The following CPSF7 variants were observed in gnomAD, a reference collection of about 807,000 sequenced individuals.
The protein encoded by CPSF7 is cleavage and polyadenylation specificity factor subunit 7.
Under a neutral mutation model 44.3 loss-of-function variants are expected in CPSF7, and 1 was observed. The observed-to-expected ratio is 0.02, with a 90% CI of 0.01 to 0.11. The LOEUF is 0.11. Among genes scored for constraint, CPSF7 ranks in the 10% least tolerant of loss-of-function variants. CPSF7 has a pLI of 1.00. For synonymous variants in CPSF7, 202 were observed against 222.0 expected (o/e 0.91, Z 0.80); for missense variants, 443 against 607.2 (o/e 0.73, Z 2.84).
rs1456616304 is a variant in CPSF7, at chr11:61,411,861, C to A, written c.1134G>T (p.Glu378Asp). ...GAGAGGAGATGAGGACACGGCAACG[C>A]TCATCATTGGCAACCCGGGACTGTT... is the stretch of plus-strand genomic sequence containing the variant. Reference protein sequence around the residue: ...VIKQSRVANDERCRVLISSLK... With the variant: ...VIKQSRVANDDRCRVLISSLK... Residue 378 changes from glutamate (E) to aspartate (D), a missense_variant, in exon 8 of 10, where the codon GAG (glutamate) becomes GAT (aspartate). Transcript: ENST00000439958. The A allele has an allele frequency of 2.5e-6, 4 of 1,614,040 alleles. No homozygotes were observed. The African/African-American group carries it at 5.3e-5, about 22-fold the overall frequency.
At chr11:61,410,872 T>G in intron 9 of CPSF7, 66 bp downstream of exon 9, 1 of 1,451,574 alleles carries the variant, frequency 6.9e-7, no homozygotes, top group Non-Finnish European at 9.2e-7. Context: ...AGAGAGAGAA[T>G]TCTTCACTAT....
intron 2 of CPSF7, chr11:61,427,008 CAAAG>C (rs953297473): frequency 3.2e-5 from 3 of 94,304 alleles, no homozygotes; most frequent in South Asian, 3.9e-4. Flanking sequence ...AGCCTGGCGA[CAAAG>C]AGAGACTCTG....
At chr11:61,429,017 G>C in intron 2 of CPSF7, 165 bp downstream of exon 2, 1 of 490,184 alleles carries the variant, frequency 2.0e-6, no homozygotes, top group African/African-American at 1.9e-5. Flanking sequence ...TTAACATAAA[G>C]AGGAATGGAG....
At chr11:61,416,000 A>G (rs1326812324) in intron 6 of CPSF7, 105 bp downstream of exon 6, 2 of 1,104,310 alleles carry the variant, frequency 1.8e-6, no homozygotes, top group East Asian at 2.4e-5. Context: ...CAGAATGTCT[A>G]TAAGGGAAAG....
chr11:61,420,895 C>A, intron 3 of CPSF7: 1 of 492,708 alleles, frequency 2.0e-6, no homozygotes, highest in Non-Finnish European at 3.8e-6. Context: ...CTAGAGTTGA[C>A]CATTGCCAGA....
intron 9 of CPSF7, among the ~76,000 whole-genome samples, chr11:61,408,208 C>T (rs990230264): frequency 6.6e-6 from 1 of 152,028 alleles, no homozygotes; most frequent in African/African-American, 2.4e-5. Flanking sequence ...AGGCACCTGC[C>T]ACCATGCCCG....
At position 61,429,954 on chromosome 11, in the gene CPSF7, C is replaced by G. The variant is rs1224939536; in HGVS notation, c.-96G>C. On this transcript the variant is annotated 5_prime_UTR_variant, in exon 1 of 10. Transcript: ENST00000439958. ...GGCGGCGGCGAGTCCGGACTAGGCCCGAAGCGCGCGAACCGCTCTCCGCCC... is the reference window on the plus strand; with the variant it reads ...GGCGGCGGCGAGTCCGGACTAGGCCGGAAGCGCGCGAACCGCTCTCCGCCC... The G allele has an allele frequency of 2.2e-6, 3 of 1,350,836 alleles. No homozygotes were observed. Among genetic ancestry groups the G allele is most frequent in the South Asian group, 1.4e-5 (1 of 71,658 alleles). 83.7% of individuals were successfully genotyped at this position (1,350,836 alleles called of 1,614,324 possible).
At chr11:61,419,668 C>A (rs1209040407) in intron 5 of CPSF7, among the ~76,000 whole-genome samples, 1 of 152,106 alleles carries the variant, frequency 6.6e-6, no homozygotes, top group Admixed American at 6.5e-5. Flanking sequence ...GGGAAACAGG[C>A]CCTAAGTAGT....
intron 2 of CPSF7, among the ~76,000 whole-genome samples, chr11:61,422,985 T>C (rs1861024070): frequency 1.3e-5 from 2 of 150,860 alleles, no homozygotes; most frequent in African/African-American, 4.9e-5. Context: ...ATACAAAAAT[T>C]AGTTGGGCAT....
At chr11:61,418,637 G>T (rs1860561427) in intron 5 of CPSF7, among the ~76,000 whole-genome samples, 1 of 152,138 alleles carries the variant, frequency 6.6e-6, no homozygotes, top group Non-Finnish European at 1.5e-5. Context: ...AAGTGGCTTA[G>T]TGAGTACAGT....
chr11:61,406,902 C>T (rs924769428), intron 9 of CPSF7, among the ~76,000 whole-genome samples: 2 of 152,096 alleles, frequency 1.3e-5, no homozygotes, highest in Non-Finnish European at 2.9e-5. Context: ...TCAGCACCCC[C>T]AAGTAGCTGG....
At chr11:61,418,564 G>A (rs544654167) in intron 5 of CPSF7, among the ~76,000 whole-genome samples, 3 of 152,036 alleles carry the variant, frequency 2.0e-5, no homozygotes, top group South Asian at 2.1e-4. Flanking sequence ...TACTTGTGTC[G>A]GCTGGTCAGC....
At chr11:61,418,574 C>T (rs1218323201) in intron 5 of CPSF7, among the ~76,000 whole-genome samples, 1 of 152,104 alleles carries the variant, frequency 6.6e-6, no homozygotes, top group East Asian at 1.9e-4. Context: ...GGCTGGTCAG[C>T]GAATTCTCTT....
chr11:61,418,671 C>T (rs1860569124), intron 5 of CPSF7, among the ~76,000 whole-genome samples: 1 of 151,798 alleles, frequency 6.6e-6, no homozygotes, highest in Non-Finnish European at 1.5e-5. Context: ...GTAAGATGGA[C>T]ATTGGGGAAA....
rs1033493460 is a variant in CPSF7 at position 61,404,080 on chromosome 11, A to T, written c.*630T>A. On this transcript the variant is annotated 3_prime_UTR_variant, in exon 10 of 10. Coordinates refer to ENST00000439958, the MANE Select transcript of CPSF7 (RefSeq NM_001142565.3). The stretch of plus-strand genomic sequence containing the variant: ...AGTTGAAAGAGTTCAGCCCTCTGGG[A>T]GGTCAAAGAAATAAACCGTCAATAC... 18 of 152,786 alleles carry T rather than the reference A, an allele frequency of 1.2e-4. No homozygotes were observed. Among genetic ancestry groups the T allele is most frequent in the African/African-American group, 4.3e-4 (18 of 41,580 alleles). The allele number at this position is 152,786 out of a possible 1,614,324, so 9.5% of individuals were successfully genotyped here. A position where few individuals can be genotyped will look rare whatever the true frequency, so the allele number is the denominator to read the frequency against.
chr11:61,421,759 C>A, intron 2 of CPSF7, 151 bp from the exon 3 acceptor site: 1 of 610,598 alleles, frequency 1.6e-6, no homozygotes, highest in Admixed American at 3.0e-5. Context: ...AGAAAAACCT[C>A]CTTTTGAAAC....
intron 2 of CPSF7, among the ~76,000 whole-genome samples, chr11:61,423,279 T>C (rs563702048): frequency 1.3e-5 from 2 of 150,694 alleles, no homozygotes; most frequent in Non-Finnish European, 3.0e-5. Context: ...TTCAAGTGAT[T>C]CTCCTGCCTC....
intron 2 of CPSF7, among the ~76,000 whole-genome samples, chr11:61,423,734 C>A (rs1861109292): frequency 6.6e-6 from 1 of 152,210 alleles, no homozygotes; most frequent in Non-Finnish European, 1.5e-5. Context: ...CCTTAACTTT[C>A]TCCCTCCAAT....
rs568662820 is a variant in CPSF7 at position 61,416,570 on chromosome 11, A to C, written c.524-51T>G. On this transcript the variant is annotated intron_variant, in intron 5 of 9. Transcript: ENST00000439958. ...TACTGCCCAGGCTTTACACAAACCCACAGGACCAGTTCATCCTTCAGAAGT... is the reference window on the plus strand; with the variant it reads ...TACTGCCCAGGCTTTACACAAACCCCCAGGACCAGTTCATCCTTCAGAAGT... 1.5e-5 allele frequency: 23 copies of C among 1,569,718 alleles called. No homozygotes were observed. In the African/African-American group the frequency reaches 3.0e-4, roughly 20 times the overall value.
Sources: gnomAD v4.1 joint callset for allele counts (sites outside exome capture counted in the v4.1 genomes callset) on GRCh38, gnomAD v4.1.1 for gene constraint, MANE v1.5 for transcripts, NCBI Gene and HGNC (gene_info 2026-07-23, HGNC 2026-07-21) for gene names.